SSBP3: variants seen among roughly 807,000 people sequenced by gnomAD.
SSBP3 encodes single-stranded DNA-binding protein 3.
Under a neutral mutation model 69.6 loss-of-function variants are expected in SSBP3, and 5 were observed. The ratio of observed to expected loss-of-function variants is 0.07; its 90% CI spans 0.04 to 0.15. The LOEUF is 0.15. SSBP3 is among the 10% of genes least tolerant of loss of function. The pLI, the probability that SSBP3 is intolerant of heterozygous loss-of-function variation, is 1.00. For missense variants in SSBP3, 312 were observed against 534.0 expected (o/e 0.58, Z 4.10); for synonymous variants, 196 against 193.4 (o/e 1.01, Z -0.11).
At chr1:54,392,214 T>C (rs1570035529) in intron 4 of SSBP3, among the ~76,000 whole-genome samples, 1 of 151,892 alleles carries the variant, frequency 6.6e-6, no homozygotes, top group East Asian at 1.9e-4. Flanking sequence ...AAGCACAACA[T>C]GTGGTGGGGA....
upstream of SSBP3, among the ~76,000 whole-genome samples, chr1:54,410,232 TTAGGCTAGAAGGGCCGCTCCTTCC>T (rs1649955805): frequency 6.6e-6 from 1 of 152,166 alleles, no homozygotes; most frequent in Non-Finnish European, 1.5e-5. Flanking sequence ...AATTCCAAGC[TTAGGCTAGAAGGGCCGCTCCTTCC>T]TCTCTTGGCT....
rs867103214 is a variant in SSBP3 at position 54,233,585 on chromosome 1, G to A, written c.928-4759C>T. Among the ~76,000 whole-genome samples the A allele has an allele frequency of 2.0e-5, 3 of 148,794 alleles. No homozygotes were observed. In the South Asian group the frequency reaches 6.4e-4, roughly 32 times the overall value. ...GCCAGCCGCCCCGTCGGGGAGGGAG[G>A]TGGGGGGGTCAGCCCCCTGCCCGGC... On this transcript the variant is annotated intron_variant, in intron 14 of 17. Coordinates refer to ENST00000610401, the Ensembl canonical transcript of SSBP3.
intron 5 of SSBP3, among the ~76,000 whole-genome samples, chr1:54,281,181 A>C (rs1321606361): frequency 6.6e-6 from 1 of 152,196 alleles, no homozygotes; most frequent in African/African-American, 2.4e-5. Context: ...GCGCCTACGA[A>C]GCTGGCATGA....
intron 11 of SSBP3, 96 bp downstream of exon 11, chr1:54,242,068 C>A: frequency 7.1e-7 from 1 of 1,414,532 alleles, no homozygotes; most frequent in Non-Finnish European, 9.8e-7. Context: ...GCTGCATCTC[C>A]CACTTCCCGT....
chr1:54,353,198 T>C (rs1646810396), intron 4 of SSBP3, among the ~76,000 whole-genome samples: 1 of 152,206 alleles, frequency 6.6e-6, no homozygotes, highest in Non-Finnish European at 1.5e-5. Context: ...ATACACAAGT[T>C]TGTTTTATTT....
At chr1:54,234,355 T>TCA (rs1644448146) in intron 14 of SSBP3, among the ~76,000 whole-genome samples, 1 of 113,526 alleles carries the variant, frequency 8.8e-6, no homozygotes, top group Non-Finnish European at 2.0e-5. Context: ...AAAAAATAAA[T>TCA]TAAAAAAAAT....
chr1:54,383,514 G>A (rs1429832868), intron 4 of SSBP3, among the ~76,000 whole-genome samples: 7 of 152,186 alleles, frequency 4.6e-5, no homozygotes, highest in African/African-American at 1.4e-4. Context: ...ACAGCTCCAA[G>A]CCCTAAGCCA....
At chr1:54,353,411 TACAC>T (rs1646814296) in intron 4 of SSBP3, among the ~76,000 whole-genome samples, 2 of 152,192 alleles carry the variant, frequency 1.3e-5, no homozygotes, top group Non-Finnish European at 2.9e-5. Flanking sequence ...CCCTGTGACT[TACAC>T]ACATGTGGCC....
At chr1:54,249,715 T>TA (rs969839758) in intron 9 of SSBP3, among the ~76,000 whole-genome samples, 2 of 114,210 alleles carry the variant, frequency 1.8e-5, no homozygotes, top group South Asian at 2.8e-4. Flanking sequence ...TTAAAAAATT[T>TA]AAAAAAACTT....
At chr1:54,363,146 G>A (rs1646976562) in intron 4 of SSBP3, among the ~76,000 whole-genome samples, 1 of 152,156 alleles carries the variant, frequency 6.6e-6, no homozygotes, top group African/African-American at 2.4e-5. Flanking sequence ...CCCCTGAACA[G>A]CTGGATACTG....
intron 4 of SSBP3, among the ~76,000 whole-genome samples, chr1:54,373,101 C>T (rs1379308320): frequency 6.6e-6 from 1 of 152,174 alleles, no homozygotes; most frequent in African/African-American, 2.4e-5. Context: ...ACCCGCATAA[C>T]CTCCTGGCAC....
At chr1:54,294,232 A>T (rs866472123) in intron 4 of SSBP3, among the ~76,000 whole-genome samples, 1 of 151,958 alleles carries the variant, frequency 6.6e-6, no homozygotes, top group Non-Finnish European at 1.5e-5. Flanking sequence ...GTAGTCACCA[A>T]ATCTAAAAGG....
intron 5 of SSBP3, among the ~76,000 whole-genome samples, chr1:54,279,830 G>C (rs1645358737): frequency 6.6e-6 from 1 of 152,178 alleles, no homozygotes; most frequent in Admixed American, 6.5e-5. Context: ...CAGCCCCTCT[G>C]GCTACTGCCT....
chr1:54,288,801 A>G (rs986069151), intron 4 of SSBP3, among the ~76,000 whole-genome samples: 2 of 151,996 alleles, frequency 1.3e-5, no homozygotes, highest in African/African-American at 2.4e-5. Context: ...GGCGGATCAC[A>G]AGGTCAGGAG....
chr1:54,391,620 A>G (rs564184970), intron 4 of SSBP3, among the ~76,000 whole-genome samples: 1 of 152,350 alleles, frequency 6.6e-6, no homozygotes, highest in East Asian at 1.9e-4. Flanking sequence ...CAGCGGCCCC[A>G]GGGAGCAGTT....
At chr1:54,234,868 A>G (rs958552590) in intron 14 of SSBP3, among the ~76,000 whole-genome samples, 9 of 151,920 alleles carry the variant, frequency 5.9e-5, no homozygotes, top group African/African-American at 4.8e-5. Flanking sequence ...AGCTCAAACA[A>G]TCCTCCCGCT....
chr1:54,288,944 C>T (rs926254156), intron 4 of SSBP3, among the ~76,000 whole-genome samples: 10 of 140,736 alleles, frequency 7.1e-5, no homozygotes, highest in South Asian at 2.4e-4. Flanking sequence ...CGCGTGAACC[C>T]GGGAGGTGGA....
At chr1:54,251,011 C>T (rs1398269946) in intron 9 of SSBP3, among the ~76,000 whole-genome samples, 1 of 152,208 alleles carries the variant, frequency 6.6e-6, no homozygotes, top group Non-Finnish European at 1.5e-5. Flanking sequence ...CAGCGGAGCC[C>T]TCTGGTCAAA....
At chr1:54,237,482 C>G (rs1002729039) in intron 14 of SSBP3, 5 of 152,230 alleles carry the variant, frequency 3.3e-5, no homozygotes, top group African/African-American at 1.2e-4. Context: ...ACTTGAGAGA[C>G]TCAATGTCCA....
Sources: gnomAD v4.1 joint callset for allele counts (sites outside exome capture counted in the v4.1 genomes callset) on GRCh38, gnomAD v4.1.1 for gene constraint, MANE v1.5 for transcripts, NCBI Gene and HGNC (gene_info 2026-07-23, HGNC 2026-07-21) for gene names.